TSPAN18: variants seen among roughly 807,000 people sequenced by gnomAD.
The protein encoded by TSPAN18 is tetraspanin 18.
Under a neutral mutation model 27.3 loss-of-function variants are expected in TSPAN18, and 14 were observed. The observed-to-expected ratio is 0.51, with a 90% CI of 0.34 to 0.80. The LOEUF (loss-of-function observed/expected upper bound fraction) is 0.80, where lower values mean the gene tolerates loss of function less well. Among genes scored for constraint, TSPAN18 ranks in the 30% least tolerant of loss-of-function variants. TSPAN18 has a pLI of 0.01. For missense variants in TSPAN18, 268 were observed against 323.9 expected, an observed-to-expected ratio of 0.83 and a Z score of 1.32; for synonymous variants, 143 against 136.5, an observed-to-expected ratio of 1.05 and a Z score of -0.33.
intron 2 of TSPAN18, among the ~76,000 whole-genome samples, chr11:44,814,689 C>CCATCCACCCATCCATCCATCCATCCAT (rs55970649): frequency 1.4e-5 from 2 of 144,372 alleles, no homozygotes; most frequent in South Asian, 2.3e-4. Flanking sequence ...CATCCATCCA[C>CCATCCACCCATCCATCCATCCATCCAT]CCACCCACCC....
At chr11:44,919,568 A>G (rs1314995528) in intron 7 of TSPAN18, 3 of 608,058 alleles carry the variant, frequency 4.9e-6, no homozygotes, top group Non-Finnish European at 5.9e-6. Flanking sequence ...AACCACAGCA[A>G]CTGTTTATGG....
intron 3 of TSPAN18, among the ~76,000 whole-genome samples, chr11:44,871,037 T>G (rs1313236433): frequency 1.3e-5 from 2 of 152,020 alleles, no homozygotes; most frequent in Non-Finnish European, 2.9e-5. Context: ...AAGCAGGAAT[T>G]AATGGGCAGA....
chr11:44,908,368 C>A (rs1015458845), intron 4 of TSPAN18, among the ~76,000 whole-genome samples: 1 of 152,124 alleles, frequency 6.6e-6, no homozygotes, highest in African/African-American at 2.4e-5. Flanking sequence ...CTTTACAGCC[C>A]GCAAATCCCA....
intron 2 of TSPAN18, among the ~76,000 whole-genome samples, chr11:44,817,628 C>T (rs1270165899): frequency 6.6e-6 from 1 of 152,226 alleles, no homozygotes; most frequent in African/African-American, 2.4e-5. Context: ...TCTGACATCC[C>T]ATTGGTCAAA....
chr11:44,762,573 T>A (rs1319171339), intron 1 of TSPAN18, among the ~76,000 whole-genome samples: 4 of 152,234 alleles, frequency 2.6e-5, no homozygotes, highest in Admixed American at 6.5e-5. Context: ...AATTTATATA[T>A]GTATAAATAA....
chr11:44,827,496 G>A (rs1230254034), intron 2 of TSPAN18, among the ~76,000 whole-genome samples: 1 of 152,210 alleles, frequency 6.6e-6, no homozygotes, highest in Non-Finnish European at 1.5e-5. Flanking sequence ...CTGGGAGGCA[G>A]CATAGCCAGG....
At chr11:44,881,512 A>G (rs918535882) in intron 3 of TSPAN18, among the ~76,000 whole-genome samples, 1 of 152,226 alleles carries the variant, frequency 6.6e-6, no homozygotes, top group Non-Finnish European at 1.5e-5. Flanking sequence ...ATGACCTAAA[A>G]AGGGTCTTCA....
intron 2 of TSPAN18, among the ~76,000 whole-genome samples, chr11:44,835,244 A>T (rs1857241600): frequency 1.3e-5 from 2 of 152,248 alleles, no homozygotes; most frequent in Non-Finnish European, 2.9e-5. Context: ...CCTAGCATAC[A>T]GCGAGTGTTC....
At chr11:44,815,323 A>C (rs956903401) in intron 2 of TSPAN18, among the ~76,000 whole-genome samples, 1 of 152,244 alleles carries the variant, frequency 6.6e-6, no homozygotes, top group Non-Finnish European at 1.5e-5. Flanking sequence ...GACCAAAATG[A>C]GCCCATGTGC....
At chr11:44,760,255 A>T (rs186217263) in intron 1 of TSPAN18, among the ~76,000 whole-genome samples, 22 of 152,250 alleles carry the variant, frequency 1.4e-4, no homozygotes, top group African/African-American at 4.8e-4. Flanking sequence ...AATGAAGGAG[A>T]GGGCAGAGCG....
intron 5 of TSPAN18, among the ~76,000 whole-genome samples, 170 bp downstream of exon 5, chr11:44,910,069 T>G (rs895119760): frequency 2.6e-5 from 4 of 152,130 alleles, no homozygotes; most frequent in African/African-American, 9.7e-5. Context: ...CCCCACTCAT[T>G]TGGTAGTCAA....
rs539488759 is a variant in TSPAN18, at chr11:44,796,789, G to A, written c.-153+32277G>A. On this transcript the variant is annotated intron_variant, in intron 2 of 9. Coordinates refer to ENST00000520358, the MANE Select transcript of TSPAN18 (RefSeq NM_130783.5). The stretch of plus-strand genomic sequence containing the variant: ...TAGGCTTCTGCTCTGGCTGGAGCAG[G>A]GTGTGTAGGTATCTATTCTCATGCA... Among the ~76,000 whole-genome samples, 11 of 152,198 alleles carry A rather than the reference G, an allele frequency of 7.2e-5. No individual in the cohort carries two copies. The South Asian group carries it at 1.7e-3, about 23-fold the overall frequency.
At chr11:44,897,905 G>T in intron 3 of TSPAN18, 4 of 1,265,894 alleles carry the variant, frequency 3.2e-6, no homozygotes, top group Non-Finnish European at 4.1e-6. Flanking sequence ...TCTCCACTCT[G>T]ATCCTTTCCA....
At chr11:44,824,441 G>A (rs868224394) in intron 2 of TSPAN18, among the ~76,000 whole-genome samples, 2 of 152,210 alleles carry the variant, frequency 1.3e-5, no homozygotes, top group Admixed American at 6.5e-5. Flanking sequence ...CAAGCTGTGT[G>A]GGGGAGGGTC....
rs61880610 is a variant in TSPAN18 at position 44,766,936 on chromosome 11, T to A, written c.-153+2424T>A. 4.3e-3 allele frequency among the ~76,000 whole-genome samples: 650 copies of A among 152,106 alleles called. 1 individual carries two copies. Among genetic ancestry groups the A allele is most frequent in the Non-Finnish European group, 4.6e-3 (315 of 67,982 alleles). On this transcript the variant is annotated intron_variant, in intron 2 of 9. Transcript: ENST00000520358. ...GGCAAAGAGCATGCACCCCACAGGGTGGTTGTAAGGTCAAGGTGACTACCA... is the reference window on the plus strand; with the variant it reads ...GGCAAAGAGCATGCACCCCACAGGGAGGTTGTAAGGTCAAGGTGACTACCA...
chr11:44,767,889 C>A (rs1463097121), intron 2 of TSPAN18, among the ~76,000 whole-genome samples: 1 of 152,196 alleles, frequency 6.6e-6, no homozygotes, highest in African/African-American at 2.4e-5. Flanking sequence ...GCCATTGCTC[C>A]TTTGTCATAT....
chr11:44,841,079 T>C lies in TSPAN18; in HGVS notation c.-152-19249T>C, dbSNP rs1446330. On this transcript the variant is annotated intron_variant, in intron 2 of 9. Coordinates refer to ENST00000520358, the MANE Select transcript of TSPAN18 (RefSeq NM_130783.5). Reference sequence around the variant, plus strand: ...AGCCCTGGAGTATTGCCTGGCAGGATTAAAGATACACAAAGATTTATTGAG... The same window carrying C: ...AGCCCTGGAGTATTGCCTGGCAGGACTAAAGATACACAAAGATTTATTGAG... Among the ~76,000 whole-genome samples the C allele has an allele frequency of 4.5e-3, 680 of 152,200 alleles. 8 individuals are homozygous for C. The highest frequency in any genetic ancestry group is 0.016 in the African/African-American group (652 of 41,524).
In TSPAN18 at chr11:44,929,469, A is replaced by T; in HGVS notation, c.*291A>T. The T allele has an allele frequency of 4.6e-6, 2 of 433,666 alleles. No individual in the cohort carries two copies. Among genetic ancestry groups the T allele is most frequent in the Non-Finnish European group, 8.2e-6 (2 of 243,372 alleles). 26.9% of individuals were successfully genotyped at this position (433,666 alleles called of 1,614,324 possible). A position where few individuals can be genotyped will look rare whatever the true frequency, so the allele number is the denominator to read the frequency against. ...CTGCTCTAGAGACCAAAGGAACACC[A>T]GGCCCAGCGCCCTCTTTGGTCCAGC... On this transcript the variant is annotated 3_prime_UTR_variant, in exon 10 of 10. Coordinates refer to ENST00000520358, the MANE Select transcript of TSPAN18 (RefSeq NM_130783.5).
chr11:44,792,127 T>C (rs1448140561), intron 2 of TSPAN18, among the ~76,000 whole-genome samples: 1 of 152,206 alleles, frequency 6.6e-6, no homozygotes, highest in East Asian at 1.9e-4. Flanking sequence ...TATAATTTCA[T>C]GTGCATAATT....
Sources: allele counts gnomAD v4.1 joint callset (sites outside exome capture counted in the v4.1 genomes callset), GRCh38; gene constraint gnomAD v4.1.1; transcripts MANE v1.5; gene names NCBI Gene and HGNC (gene_info 2026-07-23, HGNC 2026-07-21).